Variants in SMAD2 observed in about 807,000 individuals in gnomAD.
The protein encoded by SMAD2 is SMAD family member 2.
A neutral mutation model predicts 64.4 loss-of-function variants in SMAD2; 8 were observed. The observed-to-expected ratio is 0.12, with a 90% CI of 0.07 to 0.22. The LOEUF is 0.22. Ranked by LOEUF, SMAD2 falls within the 10% of genes least tolerant of loss-of-function variation. SMAD2 has a pLI of 1.00. For synonymous variants in SMAD2, 203 were observed against 195.8 expected (o/e 1.04, Z -0.31); for missense variants, 289 against 561.2 (o/e 0.51, Z 4.90).
intron 2 of SMAD2, among the ~76,000 whole-genome samples, chr18:47,890,441 G>A (rs996821055): frequency 6.6e-6 from 1 of 152,176 alleles, no homozygotes; most frequent in African/African-American, 2.4e-5. Flanking sequence ...ACAATTTAAT[G>A]TGAGTTCTCC....
At position 47,822,366 on chromosome 18, in the gene SMAD2, T is replaced by C. The variant is rs1912603578; in HGVS notation, c.*19461A>G. ...TGCTAACACACTTTTAAATACAGGT[T>C]ACTAATCACTTTAATACCAATGGAC... On this transcript the variant is annotated 3_prime_UTR_variant, in exon 11 of 11. Coordinates refer to ENST00000262160, the MANE Select transcript of SMAD2 (RefSeq NM_005901.6). The C allele has an allele frequency of 6.6e-6, 1 of 152,232 alleles. No individual in the cohort carries two copies. The highest frequency in any genetic ancestry group is 2.4e-5 in the African/African-American group (1 of 41,466). 9.4% of individuals were successfully genotyped at this position (152,232 alleles called of 1,614,324 possible).
chr18:47,916,775 T>C (rs573224546), intron 1 of SMAD2, among the ~76,000 whole-genome samples: 2 of 152,222 alleles, frequency 1.3e-5, no homozygotes, highest in African/African-American at 2.4e-5. Flanking sequence ...ACTTGGTAAT[T>C]TGTTTTGCTA....
At chr18:47,926,294 T>G (rs566194850) in intron 1 of SMAD2, among the ~76,000 whole-genome samples, 1 of 152,344 alleles carries the variant, frequency 6.6e-6, no homozygotes, top group South Asian at 2.1e-4. Context: ...ATTACGTAGA[T>G]TATTGCACTC....
chr18:47,904,646 A>G (rs1401355518), intron 1 of SMAD2, among the ~76,000 whole-genome samples: 2 of 152,190 alleles, frequency 1.3e-5, no homozygotes, highest in East Asian at 3.9e-4. Context: ...AATATTAGCA[A>G]ATCACATCCA....
intron 2 of SMAD2, among the ~76,000 whole-genome samples, chr18:47,873,065 C>A (rs1163101272): frequency 6.6e-6 from 1 of 151,984 alleles, no homozygotes; most frequent in East Asian, 1.9e-4. Flanking sequence ...TCTCTTGAGT[C>A]CTGGACTCAA....
chr18:47,888,072 GGGTAAATACCAGATTT>G (rs1391559039), intron 2 of SMAD2, among the ~76,000 whole-genome samples: 2 of 152,044 alleles, frequency 1.3e-5, no homozygotes, highest in Admixed American at 6.6e-5. Context: ...CTCAGATTTG[GGGTAAATACCAGATTT>G]GGTAAATACC....
intron 1 of SMAD2, chr18:47,912,543 C>T (rs2034178513): frequency 6.6e-6 from 1 of 152,268 alleles, no homozygotes. Flanking sequence ...GGGGAGCTAG[C>T]AGTCAGTGTA....
At position 47,826,688 on chromosome 18, in the gene SMAD2, T is replaced by A. The variant is rs552798532; in HGVS notation, c.*15139A>T. 3 of 152,368 alleles carry A rather than the reference T, an allele frequency of 2.0e-5. No individual in the cohort carries two copies. The East Asian group carries it at 5.8e-4, about 29-fold the overall frequency. The allele number at this position is 152,368 out of a possible 1,614,324, so 9.4% of individuals were successfully genotyped here. On this transcript the variant is annotated 3_prime_UTR_variant, in exon 11 of 11. Coordinates refer to ENST00000262160, the MANE Select transcript of SMAD2 (RefSeq NM_005901.6). ...GCTGCACACCACTGGGTTTTTGTGGTTGCTACGAGTTACTTTTGCGGCAAT... is the reference window on the plus strand; with the variant it reads ...GCTGCACACCACTGGGTTTTTGTGGATGCTACGAGTTACTTTTGCGGCAAT...
rs2144379649 is a variant in SMAD2, at chr18:47,869,420, G to A, written c.343C>T (p.Leu115Phe). ...AATCCTTTTCGATGGGATACCTGGA[G>A]ACGACCATCAAGAGACCTGTTGGGA... ...SEQTRSLDGRLQVSHRKGLPH... is the reference protein window; with the variant it reads ...SEQTRSLDGRFQVSHRKGLPH... Residue 115 changes from leucine to phenylalanine, a missense_variant, in exon 4 of 11, where the codon CTC (leucine) becomes TTC (phenylalanine). Physicochemically the swap from Leu to Phe is conservative, Grantham distance 22. Transcript: ENST00000262160. 1 of 1,610,202 alleles carries A rather than the reference G, an allele frequency of 6.2e-7. No individual in the cohort carries two copies. Among genetic ancestry groups the A allele is most frequent in the Non-Finnish European group, 8.5e-7 (1 of 1,178,816 alleles).
Position 47,820,894 on chromosome 18 carries a change from TATACACACACACACAC to T in SMAD2, c.*20917_*20932del, listed in dbSNP as rs1339906181. On this transcript the variant is annotated 3_prime_UTR_variant, in exon 11 of 11. Transcript: ENST00000262160. ...GATAGTGTAAATGCTATACATGCAC[TATACACACACACACAC>T]ACACACACACACACACACACACACA... The T allele has an allele frequency of 9.7e-6, 1 of 102,974 alleles. No individual in the cohort carries two copies. The highest frequency in any genetic ancestry group is 4.1e-5 in the African/African-American group (1 of 24,276). The allele number at this position is 102,974 out of a possible 1,614,324, so 6.4% of individuals were successfully genotyped here.
At chr18:47,850,271 T>TTATATATTATA (rs1396782665) in intron 7 of SMAD2, among the ~76,000 whole-genome samples, 5 of 69,316 alleles carry the variant, frequency 7.2e-5, no homozygotes, top group Non-Finnish European at 7.0e-5. Context: ...ATAATATATA[T>TTATATATTATA]TATATATTAT....
intron 4 of SMAD2, among the ~76,000 whole-genome samples, chr18:47,868,989 A>G (rs1040620107): frequency 6.6e-6 from 1 of 152,222 alleles, no homozygotes; most frequent in Non-Finnish European, 1.5e-5. Context: ...AGCGCTGAGC[A>G]GACTGCCAAT....
At chr18:47,913,202 T>C (rs2034209004) in intron 1 of SMAD2, among the ~76,000 whole-genome samples, 1 of 152,236 alleles carries the variant, frequency 6.6e-6, no homozygotes, top group Admixed American at 6.5e-5. Flanking sequence ...ATTACAGGCA[T>C]GAGCCACAGC....
In SMAD2 at chr18:47,826,305, G is replaced by A. The variant is rs544463014; in HGVS notation, c.*15522C>T. 4 of 152,282 alleles carry A rather than the reference G, an allele frequency of 2.6e-5. No homozygotes were observed. In the East Asian group the frequency reaches 5.8e-4, roughly 22 times the overall value. The allele number at this position is 152,282 out of a possible 1,614,324, so 9.4% of individuals were successfully genotyped here. On this transcript the variant is annotated 3_prime_UTR_variant, in exon 11 of 11. Coordinates refer to ENST00000262160, the MANE Select transcript of SMAD2 (RefSeq NM_005901.6). Reference sequence around the variant, plus strand: ...AGTAACCTGTTAAATACAAAGCAAGGGTGTGGTAGATTGACTGCATTTAAG... The same window carrying A: ...AGTAACCTGTTAAATACAAAGCAAGAGTGTGGTAGATTGACTGCATTTAAG...
At chr18:47,917,857 G>A (rs1424236194) in intron 1 of SMAD2, among the ~76,000 whole-genome samples, 1 of 152,076 alleles carries the variant, frequency 6.6e-6, no homozygotes, top group African/African-American at 2.4e-5. Context: ...CTAACCAAGG[G>A]AATTTTTAAA....
At chr18:47,890,108 G>A (rs2033121241) in intron 2 of SMAD2, among the ~76,000 whole-genome samples, 1 of 152,158 alleles carries the variant, frequency 6.6e-6, no homozygotes, top group Non-Finnish European at 1.5e-5. Flanking sequence ...TGGAGCAGGA[G>A]CCCCCTCAAA....
At chr18:47,868,760 A>G (rs1260703543) in intron 4 of SMAD2, among the ~76,000 whole-genome samples, 1 of 152,210 alleles carries the variant, frequency 6.6e-6, no homozygotes, top group Non-Finnish European at 1.5e-5. Context: ...CATTGTCTTT[A>G]TCTGTAAAAT....
intron 1 of SMAD2, among the ~76,000 whole-genome samples, chr18:47,911,411 G>A (rs946456750): frequency 6.6e-6 from 1 of 150,566 alleles, no homozygotes; most frequent in Non-Finnish European, 1.5e-5. Context: ...CACGCCCCTC[G>A]AAACAGAAAA....
chr18:47,919,881 CAT>C (rs1286833485), intron 1 of SMAD2, among the ~76,000 whole-genome samples: 2 of 152,258 alleles, frequency 1.3e-5, no homozygotes, highest in African/African-American at 2.4e-5. Context: ...TATGTTAGTA[CAT>C]GTTTATATAT....
Sources: gnomAD v4.1 joint callset for allele counts (sites outside exome capture counted in the v4.1 genomes callset) on GRCh38, gnomAD v4.1.1 for gene constraint, MANE v1.5 for transcripts, NCBI Gene and HGNC (gene_info 2026-07-23, HGNC 2026-07-21) for gene names.